MTMR12: variants seen among roughly 807,000 people sequenced by gnomAD.
The protein encoded by MTMR12 is myotubularin related protein 12.
A neutral mutation model predicts 96.7 loss-of-function variants in MTMR12; 33 were observed. The observed-to-expected ratio is 0.34, with a 90% confidence interval of 0.26 to 0.46. The LOEUF is 0.46. MTMR12 is among the 20% of genes least tolerant of loss of function. The pLI is 1.00. For synonymous variants in MTMR12, 298 were observed against 327.2 expected (o/e 0.91, Z 0.96); for missense variants, 721 against 896.1 (o/e 0.80, Z 2.49).
intron 8 of MTMR12, among the ~76,000 whole-genome samples, chr5:32,254,680 T>TA (rs1174898772): frequency 3.3e-5 from 5 of 152,036 alleles, no homozygotes; most frequent in African/African-American, 1.2e-4. Flanking sequence ...CCGTCTCTAC[T>TA]AAAAACACAA....
In MTMR12 at chr5:32,248,108, G is replaced by A. The variant is rs770346740; in HGVS notation, c.915C>T (p.His305=). 5 of 1,613,898 alleles carry A rather than the reference G, an allele frequency of 3.1e-6. No homozygotes were observed. The highest frequency in any genetic ancestry group is 1.7e-6 in the Non-Finnish European group (2 of 1,179,854). Residue 305 remains histidine (H), a synonymous_variant, in exon 10 of 16, where the codon CAC becomes CAT. Transcript: ENST00000382142. ...SFLDGIYKTI[H]RPPYEIVKTE... Reference sequence around the variant, plus strand: ...TTTTAACAATTTCATAGGGTGGCCTGTGGATGGTCTTGTAAATTCTAGGTA... The same window carrying A: ...TTTTAACAATTTCATAGGGTGGCCTATGGATGGTCTTGTAAATTCTAGGTA...
At chr5:32,243,968 T>C (rs1459951016) in intron 10 of MTMR12, among the ~76,000 whole-genome samples, 1 of 152,180 alleles carries the variant, frequency 6.6e-6, no homozygotes, top group Non-Finnish European at 1.5e-5. Context: ...ACTGGATCCA[T>C]CCTGATGCCA....
chr5:32,272,626 G>A (rs932903674), intron 3 of MTMR12, among the ~76,000 whole-genome samples: 12 of 152,068 alleles, frequency 7.9e-5, no homozygotes, highest in Non-Finnish European at 1.6e-4. Flanking sequence ...CAATCCACCT[G>A]CCTCAGCCTC....
At chr5:32,241,297 T>A (rs1196162738) in intron 12 of MTMR12, among the ~76,000 whole-genome samples, 1 of 152,188 alleles carries the variant, frequency 6.6e-6, no homozygotes, top group African/African-American at 2.4e-5. Flanking sequence ...AGAGGCTCAA[T>A]AAATGTATTC....
chr5:32,273,705 C>T (rs540651245), intron 3 of MTMR12, among the ~76,000 whole-genome samples: 1 of 151,458 alleles, frequency 6.6e-6, no homozygotes, highest in African/African-American at 2.4e-5. Context: ...AGAAGGACTC[C>T]GTCCTTTGTG....
At chr5:32,294,518 C>G (rs1387926511) in intron 1 of MTMR12, among the ~76,000 whole-genome samples, 2 of 151,950 alleles carry the variant, frequency 1.3e-5, no homozygotes, top group Non-Finnish European at 2.9e-5. Flanking sequence ...CTAGGCTGGT[C>G]TTGAACTCCT....
intron 1 of MTMR12, among the ~76,000 whole-genome samples, chr5:32,277,016 G>A (rs1750082866): frequency 6.6e-6 from 1 of 150,970 alleles, no homozygotes; most frequent in Non-Finnish European, 1.5e-5. Flanking sequence ...CTCCCAAGTA[G>A]CTGGGACTAC....
chr5:32,233,033 A>T lies in MTMR12; in HGVS notation c.1674+740T>A. ...CCTGGAGACAGAGCTAGGAAATGTCAGTTAAATAATTCATCAGTTAGGGAA... is the reference window on the plus strand; with the variant it reads ...CCTGGAGACAGAGCTAGGAAATGTCTGTTAAATAATTCATCAGTTAGGGAA... On this transcript the variant is annotated intron_variant, in intron 15 of 15. Transcript: ENST00000382142. This position sits in a 1 kb window ranked among gnomAD's most constrained non-coding sequence, Gnocchi z 5.0. The T allele has an allele frequency of 1.0e-6, 1 of 981,818 alleles. No individual in the cohort carries two copies. Among genetic ancestry groups the T allele is most frequent in the Non-Finnish European group, 1.2e-6 (1 of 826,568 alleles). 60.8% of individuals were successfully genotyped at this position (981,818 alleles called of 1,614,324 possible). A position where few individuals can be genotyped will look rare whatever the true frequency, so the allele number is the denominator to read the frequency against.
chr5:32,308,823 T>C (rs1412723736), intron 1 of MTMR12, among the ~76,000 whole-genome samples: 2 of 152,152 alleles, frequency 1.3e-5, no homozygotes, highest in Non-Finnish European at 2.9e-5. Context: ...CAGGATAGTC[T>C]GGATCTCTTG....
chr5:32,307,913 G>C (rs143072274), intron 1 of MTMR12, among the ~76,000 whole-genome samples: 48 of 152,330 alleles, frequency 3.2e-4, no homozygotes, highest in African/African-American at 1.0e-3. Context: ...TTATCACCAG[G>C]TACAGGTATC....
At chr5:32,235,355 A>G (rs1748184987) in intron 13 of MTMR12, among the ~76,000 whole-genome samples, 2 of 152,244 alleles carry the variant, frequency 1.3e-5, no homozygotes, top group African/African-American at 4.8e-5. Context: ...CAAAGACGAA[A>G]TATGTAAAAA....
intron 8 of MTMR12, among the ~76,000 whole-genome samples, chr5:32,250,291 A>G (rs557588961): frequency 6.4e-4 from 92 of 143,092 alleles, no homozygotes; most frequent in Non-Finnish European, 8.8e-4. Context: ...ATGGGAGCTG[A>G]TGGTCTGCTG....
At position 32,312,708 on chromosome 5, in the gene MTMR12, T is replaced by TCGCCCCGGC; in HGVS notation, c.81+41_81+49dup. 1 of 1,380,984 alleles carries TCGCCCCGGC rather than the reference T, an allele frequency of 7.2e-7. No individual in the cohort carries two copies. The highest frequency in any genetic ancestry group is 9.4e-7 in the Non-Finnish European group (1 of 1,064,474). The allele number at this position is 1,380,984 out of a possible 1,614,324, so 85.5% of individuals were successfully genotyped here. ...GCAAGGAAGGGGCTCCCGGCGCCCC[T>TCGCCCCGGC]CGCCCCGGCCGCCCCTGCCCGACGC... On this transcript the variant is annotated intron_variant, in intron 1 of 15. Coordinates refer to ENST00000382142, the MANE Select transcript of MTMR12 (RefSeq NM_001040446.3). The surrounding 1 kb of genome is among the most constrained non-coding windows in gnomAD (Gnocchi z 5.0).
chr5:32,236,868 A>C (rs1167059434), intron 13 of MTMR12, among the ~76,000 whole-genome samples: 1 of 151,756 alleles, frequency 6.6e-6, no homozygotes. Flanking sequence ...AAAAGAAAAG[A>C]AAAAAAACAA....
chr5:32,312,013 A>T lies in MTMR12; in HGVS notation c.81+745T>A, dbSNP rs1751616428. On this transcript the variant is annotated intron_variant, in intron 1 of 15. Transcript: ENST00000382142. This position sits in a 1 kb window ranked among gnomAD's most constrained non-coding sequence, Gnocchi z 5.0. ...TCAAATAAGCTCCAGGAATGCAGAG[A>T]TCTCTGTCCTGTTCACTGATGTCTA... Among the ~76,000 whole-genome samples, 1 of 152,150 alleles carries T rather than the reference A, an allele frequency of 6.6e-6. No homozygotes were observed. The highest frequency in any genetic ancestry group is 1.5e-5 in the Non-Finnish European group (1 of 68,022).
At chr5:32,287,018 G>A (rs1464274652) in intron 1 of MTMR12, among the ~76,000 whole-genome samples, 1 of 152,152 alleles carries the variant, frequency 6.6e-6, no homozygotes, top group Non-Finnish European at 1.5e-5. Flanking sequence ...ATATGTTAGA[G>A]GAAATACAGG....
chr5:32,253,893 G>T (rs987821906), intron 8 of MTMR12, among the ~76,000 whole-genome samples: 1 of 152,196 alleles, frequency 6.6e-6, no homozygotes, highest in African/African-American at 2.4e-5. Flanking sequence ...CAACGTGCTG[G>T]GATTATAGGC....
At chr5:32,303,406 T>C (rs1458593453) in intron 1 of MTMR12, among the ~76,000 whole-genome samples, 1 of 152,156 alleles carries the variant, frequency 6.6e-6, no homozygotes, top group Non-Finnish European at 1.5e-5. Context: ...CTCCCAGCAC[T>C]GTACTCCCCC....
chr5:32,310,769 T>A (rs1751551736), intron 1 of MTMR12, among the ~76,000 whole-genome samples: 1 of 151,952 alleles, frequency 6.6e-6, no homozygotes, highest in South Asian at 2.1e-4. Context: ...TATTTTATAA[T>A]AACTTAAAGA....
Sources: allele counts gnomAD v4.1 joint callset (sites outside exome capture counted in the v4.1 genomes callset), GRCh38; gene constraint gnomAD v4.1.1; non-coding constraint Gnocchi (gnomAD v3.1); transcripts MANE v1.5; gene names NCBI Gene and HGNC (gene_info 2026-07-23, HGNC 2026-07-21).